ESR1: variants seen among roughly 807,000 people sequenced by gnomAD.
ESR1 encodes the protein estrogen receptor 1, also known as estrogen receptor.
In ESR1, 12 loss-of-function variants were observed where a neutral mutation model predicts 52.7. The observed-to-expected ratio is 0.23, with a 90% CI of 0.15 to 0.37. The LOEUF (loss-of-function observed/expected upper bound fraction) is 0.37. Among genes scored for constraint, ESR1 ranks in the 10% least tolerant of loss-of-function variants. The probability of loss-of-function intolerance (pLI) is 1.00; values close to 1 mark genes in which losing one functional copy is unlikely to be tolerated. For synonymous variants in ESR1, 305 were observed against 316.8 expected, an observed-to-expected ratio of 0.96 and a Z score of 0.39; for missense variants, 584 against 779.7, an observed-to-expected ratio of 0.75 and a Z score of 2.99.
In ESR1 at chr6:152,099,639, C is replaced by T. The variant is rs1266540494; in HGVS notation, c.*673C>T. ...TTGATACACTGCAGATTCAGATGTG[C>T]TGAAAGCTCTGCCTCTGGCTTTCCG... On this transcript the variant is annotated 3_prime_UTR_variant, in exon 8 of 8. Coordinates refer to ENST00000206249, the MANE Select transcript of ESR1 (RefSeq NM_000125.4). 3 of 250,500 alleles carry T rather than the reference C, an allele frequency of 1.2e-5. No homozygotes were observed. Among genetic ancestry groups the T allele is most frequent in the East Asian group, 5.9e-5 (1 of 17,086 alleles). The allele number at this position is 250,500 out of a possible 1,614,324, so 15.5% of individuals were successfully genotyped here.
Position 152,094,371 on chromosome 6 carries a change from C to A in ESR1, c.1370-14C>A, listed in dbSNP as rs1225650386. On this transcript the variant is annotated splice_polypyrimidine_tract_variant and intron_variant, in intron 6 of 7. Transcript: ENST00000206249. This position sits in a 1 kb window ranked among gnomAD's most constrained non-coding sequence, Gnocchi z 4.6. ...TTTGAGCTTCTCTCTCTCACTCTCT[C>A]TCTGCGCATTCAGGAGTGTACACAT... 6.2e-7 allele frequency: 1 copy of A among 1,613,152 alleles called. No individual in the cohort carries two copies. The highest frequency in any genetic ancestry group is 1.7e-5 in the Admixed American group (1 of 60,024).
chr6:152,009,013 C>T (rs1305322920), intron 4 of ESR1, among the ~76,000 whole-genome samples: 2 of 151,978 alleles, frequency 1.3e-5, no homozygotes, highest in African/African-American at 2.4e-5. Context: ...CTGCTGCATC[C>T]GGAGATGTTT....
chr6:152,029,574 G>A (rs1212240232), intron 5 of ESR1, among the ~76,000 whole-genome samples: 1 of 152,218 alleles, frequency 6.6e-6, no homozygotes. Context: ...AATGAAGTGA[G>A]AAGAGAAGTT....
At position 152,059,177 on chromosome 6, in the gene ESR1, T is replaced by C. The variant is rs138320297; in HGVS notation, c.1236-1814T>C. ...TTAAATGGGCAAATGTTATGTTATG[T>C]GATTATCTTTCAATAAAATTGTTAT... On this transcript the variant is annotated intron_variant, in intron 5 of 7. Coordinates refer to ENST00000206249, the MANE Select transcript of ESR1 (RefSeq NM_000125.4). 4.9e-3 allele frequency among the ~76,000 whole-genome samples: 747 copies of C among 152,252 alleles called. 5 individuals are homozygous for C. The highest frequency in any genetic ancestry group is 0.017 in the African/African-American group (716 of 41,566).
At chr6:152,121,051 A>G (rs550918729) in intron 6 of ESR1, among the ~76,000 whole-genome samples, 3 of 152,290 alleles carry the variant, frequency 2.0e-5, no homozygotes, top group African/African-American at 4.8e-5. Context: ...CCATGCAGGA[A>G]TATGTGCTCC....
intron 6 of ESR1, among the ~76,000 whole-genome samples, chr6:152,065,072 A>G (rs1032458691): frequency 2.6e-5 from 4 of 152,210 alleles, no homozygotes; most frequent in Non-Finnish European, 5.9e-5. Flanking sequence ...GAGTAGGTTC[A>G]TGCCTTTTTT....
At position 151,981,471 on chromosome 6, in the gene ESR1, T is replaced by C. The variant is rs528689782; in HGVS notation, c.1097-30185T>C. Among the ~76,000 whole-genome samples, 203 of 152,348 alleles carry C rather than the reference T, an allele frequency of 1.3e-3. 1 individual carries two copies. The highest frequency in any genetic ancestry group is 5.8e-3 in the South Asian group (28 of 4,822). ...AATGACAATAAAGAAAATAGTATTA[T>C]GGAAACTTTCGACCCAAGGGAAATA... On this transcript the variant is annotated intron_variant, in intron 4 of 7. Transcript: ENST00000206249.
rs185733804 is a variant in ESR1 at position 151,766,463 on chromosome 6, C to T, written c.-70-41380C>T. Among the ~76,000 whole-genome samples the T allele has an allele frequency of 2.0e-4, 31 of 151,304 alleles. No individual in the cohort carries two copies. The East Asian group carries it at 4.3e-3, about 21-fold the overall frequency. On this transcript the variant is annotated intron_variant, in intron 2 of 2. Transcript: ENST00000404742. ...ACCACTGCACTCCAACCTGGGTGAT[C>T]GAGTGAGACCCCATTTCAAAACAAA... is the stretch of plus-strand genomic sequence containing the variant.
intron 4 of ESR1, 148 bp from the exon 5 acceptor site, chr6:152,011,508 C>A: frequency 1.1e-6 from 1 of 901,066 alleles, no homozygotes; most frequent in Non-Finnish European, 1.8e-6. Flanking sequence ...AAAATAATTA[C>A]TTGACTTCAC....
At chr6:151,883,387 T>C (rs1314143051) in intron 3 of ESR1, among the ~76,000 whole-genome samples, 1 of 151,738 alleles carries the variant, frequency 6.6e-6, no homozygotes, top group Non-Finnish European at 1.5e-5. Context: ...CTCGGCTTCC[T>C]AAAGTGCTGG....
At chr6:151,905,274 A>T (rs530676917) in intron 3 of ESR1, among the ~76,000 whole-genome samples, 2 of 152,288 alleles carry the variant, frequency 1.3e-5, no homozygotes, top group East Asian at 3.9e-4. Flanking sequence ...GAAAGGACAA[A>T]AAGAGGTATG....
At chr6:151,688,400 C>G (rs1778770140), upstream of ESR1, among the ~76,000 whole-genome samples, 1 of 152,172 alleles carries the variant, frequency 6.6e-6, no homozygotes, top group Non-Finnish European at 1.5e-5. Context: ...AGTTTGAACC[C>G]TGGCCGCAGC....
chr6:151,675,629 A>C (rs1438853692), intron 1 of ESR1, among the ~76,000 whole-genome samples: 2 of 152,226 alleles, frequency 1.3e-5, no homozygotes, highest in Non-Finnish European at 2.9e-5. Context: ...TAGAAACAAA[A>C]AAGCCATCAT....
At chr6:151,905,153 A>C (rs752993955) in intron 3 of ESR1, among the ~76,000 whole-genome samples, 1 of 152,234 alleles carries the variant, frequency 6.6e-6, no homozygotes, top group Non-Finnish European at 1.5e-5. Flanking sequence ...ATTAAAGAGT[A>C]GAGAACTCAA....
chr6:152,038,551 A>T (rs1213119732), intron 5 of ESR1, among the ~76,000 whole-genome samples: 1 of 152,244 alleles, frequency 6.6e-6, no homozygotes, highest in African/African-American at 2.4e-5. Context: ...TATCGTTCAT[A>T]CAACCAGAAA....
intron 4 of ESR1, among the ~76,000 whole-genome samples, chr6:151,981,404 T>C (rs1003328477): frequency 1.3e-5 from 2 of 152,228 alleles, no homozygotes; most frequent in African/African-American, 4.8e-5. Context: ...AGCAGATATC[T>C]GGAAATTTTT....
chr6:151,762,037 T>C (rs1446076833), intron 2 of ESR1, among the ~76,000 whole-genome samples: 1 of 152,190 alleles, frequency 6.6e-6, no homozygotes, highest in Non-Finnish European at 1.5e-5. Flanking sequence ...CTGGGGAGGT[T>C]AAAAGTCCCA....
chr6:151,881,969 A>G (rs6557170), intron 3 of ESR1, among the ~76,000 whole-genome samples: 119,415 of 151,912 alleles, frequency 0.79, 47,616 homozygotes, highest in African/African-American at 0.9. Flanking sequence ...AGGATACTGA[A>G]GGGAGGGAAG....
intron 3 of ESR1, among the ~76,000 whole-genome samples, chr6:151,925,389 C>T (rs897177843): frequency 2.6e-5 from 4 of 152,126 alleles, no homozygotes; most frequent in Admixed American, 2.0e-4. Flanking sequence ...GGCAGATCAC[C>T]TGAGGTCAGG....
Sources: allele counts gnomAD v4.1 joint callset (sites outside exome capture counted in the v4.1 genomes callset), GRCh38; gene constraint gnomAD v4.1.1; non-coding constraint Gnocchi (gnomAD v3.1); transcripts MANE v1.5; gene names NCBI Gene and HGNC (gene_info 2026-07-23, HGNC 2026-07-21).